Variants in DENND2B observed in about 807,000 individuals in gnomAD.
DENND2B encodes DENN domain-containing protein 2B.
In DENND2B, 32 loss-of-function variants were observed where a neutral mutation model predicts 116.0. That is an observed-to-expected ratio of 0.28 (90% CI 0.21 to 0.37). The LOEUF (loss-of-function observed/expected upper bound fraction) is 0.37, where lower values mean the gene tolerates loss of function less well. Among genes scored for constraint, DENND2B ranks in the 10% least tolerant of loss-of-function variants. The probability of loss-of-function intolerance (pLI) is 1.00; values close to 1 mark genes in which losing one functional copy is unlikely to be tolerated. For missense variants in DENND2B, 1,276 were observed against 1,477.7 expected, an observed-to-expected ratio of 0.86 and a Z score of 2.24; for synonymous variants, 588 against 583.9, an observed-to-expected ratio of 1.01 and a Z score of -0.10.
chr11:8,751,418 G>A (rs1190669525), intron 1 of DENND2B, among the ~76,000 whole-genome samples: 5 of 152,094 alleles, frequency 3.3e-5, no homozygotes, highest in African/African-American at 7.2e-5. Context: ...CAACCCACTC[G>A]GGTCCCCTTC....
intron 4 of DENND2B, among the ~76,000 whole-genome samples, chr11:8,719,611 A>C (rs1234632393): frequency 6.6e-6 from 1 of 152,188 alleles, no homozygotes; most frequent in Non-Finnish European, 1.5e-5. Flanking sequence ...CACCCCCTGC[A>C]TGTTTTCTCC....
chr11:8,853,597 A>G (rs1339097515), intron 3 of DENND2B, among the ~76,000 whole-genome samples: 1 of 152,206 alleles, frequency 6.6e-6, no homozygotes, highest in East Asian at 1.9e-4. Flanking sequence ...CTATGGGGAA[A>G]TCTGAATATG....
chr11:8,821,880 C>T (rs1409401021), intron 4 of DENND2B, among the ~76,000 whole-genome samples: 7 of 152,174 alleles, frequency 4.6e-5, no homozygotes, highest in African/African-American at 1.7e-4. Context: ...CAACCTCTGC[C>T]TCCCAGGCTC....
chr11:8,789,496 CAAT>C (rs1029589013), intron 1 of DENND2B, among the ~76,000 whole-genome samples: 16 of 152,254 alleles, frequency 1.1e-4, no homozygotes, highest in Admixed American at 4.6e-4. Flanking sequence ...AACTTAGCAT[CAAT>C]AATAATGGGC....
intron 1 of DENND2B, among the ~76,000 whole-genome samples, chr11:8,753,555 A>G (rs2052963440): frequency 6.6e-6 from 1 of 152,222 alleles, no homozygotes; most frequent in African/African-American, 2.4e-5. Flanking sequence ...GAAATTGACA[A>G]GCTGATCCTA....
chr11:8,815,267 T>A (rs1472693985), upstream of DENND2B, among the ~76,000 whole-genome samples: 1 of 152,112 alleles, frequency 6.6e-6, no homozygotes, highest in Non-Finnish European at 1.5e-5. Context: ...AATTTGGAGA[T>A]GGTTGTAAAA....
At chr11:8,801,412 C>A (rs1413097146) in intron 1 of DENND2B, among the ~76,000 whole-genome samples, 1 of 152,094 alleles carries the variant, frequency 6.6e-6, no homozygotes, top group African/African-American at 2.4e-5. Flanking sequence ...CGTGGTGGCT[C>A]ACGCCTATAA....
In DENND2B at chr11:8,834,836, C is replaced by T. The variant is rs1012578488; in HGVS notation, c.-115+4474G>A. Among the ~76,000 whole-genome samples, 11 of 152,260 alleles carry T rather than the reference C, an allele frequency of 7.2e-5. No individual in the cohort carries two copies. The East Asian group carries it at 1.2e-3, about 16-fold the overall frequency. On this transcript the variant is annotated intron_variant, in intron 4 of 6. Coordinates refer to the DENND2B transcript ENST00000524757. ...CAACACCAGACATGGTAGCCAGATG[C>T]GCAGACAAGCTCATTAATGAACAAC...
chr11:8,797,379 G>A (rs1593833208), intron 1 of DENND2B, among the ~76,000 whole-genome samples: 1 of 152,012 alleles, frequency 6.6e-6, no homozygotes, highest in African/African-American at 2.4e-5. Context: ...TAGCTAAGCA[G>A]GTATGTCTAT....
At chr11:8,828,048 G>A (rs1429529128) in intron 4 of DENND2B, among the ~76,000 whole-genome samples, 2 of 152,272 alleles carry the variant, frequency 1.3e-5, no homozygotes, top group East Asian at 3.9e-4. Flanking sequence ...CCCAACTGCT[G>A]GCTATGGAAC....
Position 8,712,612 on chromosome 11 carries a change from G to A in DENND2B, c.2111C>T (p.Ser704Phe). The A allele has an allele frequency of 6.4e-7, 1 of 1,563,932 alleles. No homozygotes were observed. Among genetic ancestry groups the A allele is most frequent in the Non-Finnish European group, 8.7e-7 (1 of 1,153,500 alleles). Residue 704 changes from serine to phenylalanine, a missense_variant, in exon 9 of 20, where the codon TCC becomes TTC. By Grantham distance (155) the Ser-to-Phe change is radical. Coordinates refer to ENST00000313726, the MANE Select transcript of DENND2B (RefSeq NM_213618.2). The surrounding 1 kb of genome is among the most constrained non-coding windows in gnomAD (Gnocchi z 4.4). ...GTTTCGCGATGGCTTCTTCTTGAGG[G>A]ACACCACCACAAAGTACTCAAAAAG... ...RELFEYFVVV[S>F]LKKKPSRNTY... is the part of the protein sequence containing the mutation.
chr11:8,779,830 T>C (rs1394306179), intron 1 of DENND2B, among the ~76,000 whole-genome samples: 1 of 152,222 alleles, frequency 6.6e-6, no homozygotes, highest in Non-Finnish European at 1.5e-5. Flanking sequence ...TTCCATTTTC[T>C]GTGCTACTCC....
At chr11:8,870,990 G>A (rs2134710129) in exon 2 of DENND2B, 1 of 151,996 alleles carries the variant, frequency 6.6e-6, no homozygotes, top group South Asian at 2.1e-4. Flanking sequence ...GCGGCGCCTG[G>A]ATGGGGTCTC....
In DENND2B at chr11:8,698,934, T is replaced by C; in HGVS notation, c.2939A>G (p.Gln980Arg). ...TCTAGCAAGCACCCACCCTCTTACC[T>C]GTCGGATGAATCGGTCAGATCCCAG... is the stretch of plus-strand genomic sequence containing the variant. ...VNLGSDRFIR[Q>R]MDDEDTLLPR... Residue 980 changes from glutamine to arginine, a missense_variant and splice_region_variant, in exon 16 of 20, where the codon CAG becomes CGG. Physicochemically the swap from Gln to Arg is conservative, Grantham distance 43. This residue lies in a region of DENND2B where 420 missense variants were observed against 631.1 expected (regional missense o/e 0.67). Transcript: ENST00000313726. The C allele has an allele frequency of 6.2e-7, 1 of 1,614,162 alleles. No homozygotes were observed. Among genetic ancestry groups the C allele is most frequent in the East Asian group, 2.2e-5 (1 of 44,892 alleles).
At chr11:8,786,536 C>T (rs1190670656) in intron 1 of DENND2B, among the ~76,000 whole-genome samples, 1 of 152,176 alleles carries the variant, frequency 6.6e-6, no homozygotes, top group Non-Finnish European at 1.5e-5. Flanking sequence ...GAAGGCCAGG[C>T]ATGGTGGCTC....
chr11:8,852,439 C>T (rs928796454), intron 3 of DENND2B, among the ~76,000 whole-genome samples: 1 of 152,100 alleles, frequency 6.6e-6, no homozygotes, highest in Non-Finnish European at 1.5e-5. Context: ...TGAGACCAGC[C>T]TGGGAAACAT....
intron 1 of DENND2B, among the ~76,000 whole-genome samples, chr11:8,902,785 A>G (rs970571591): frequency 6.6e-6 from 1 of 152,208 alleles, no homozygotes; most frequent in Non-Finnish European, 1.5e-5. Flanking sequence ...GTGTTTGACT[A>G]TAAGTTGTGT....
intron 13 of DENND2B, among the ~76,000 whole-genome samples, chr11:8,704,089 A>C (rs2042176203): frequency 1.3e-5 from 2 of 152,140 alleles, no homozygotes; most frequent in South Asian, 4.1e-4. Context: ...GAATTCACAC[A>C]GGCTGCTCCC....
At chr11:8,887,948 G>A (rs2063980783) in intron 1 of DENND2B, among the ~76,000 whole-genome samples, 1 of 152,058 alleles carries the variant, frequency 6.6e-6, no homozygotes, top group African/African-American at 2.4e-5. Flanking sequence ...TACTGGGGAT[G>A]GGGAGAAAAA....
Sources: allele counts gnomAD v4.1 joint callset (sites outside exome capture counted in the v4.1 genomes callset), GRCh38; gene constraint gnomAD v4.1.1; regional missense constraint gnomAD v4.1.1; non-coding constraint Gnocchi (gnomAD v3.1); transcripts MANE v1.5; gene names NCBI Gene and HGNC (gene_info 2026-07-23, HGNC 2026-07-21).